The following MAN1B1 variants were observed in gnomAD, a reference collection of about 807,000 sequenced individuals.
MAN1B1 encodes endoplasmic reticulum mannosyl-oligosaccharide 1,2-alpha-mannosidase.
In MAN1B1, 66 loss-of-function variants were observed where a neutral mutation model predicts 75.5. The observed-to-expected ratio is 0.87, with a 90% CI of 0.72 to 1.07. MAN1B1 has a LOEUF of 1.07. Ranked by LOEUF, MAN1B1 falls within the 50% of genes least tolerant of loss-of-function variation. The pLI, the probability that MAN1B1 is intolerant of heterozygous loss-of-function variation, is 0.00. For synonymous variants in MAN1B1, 453 were observed against 382.8 expected (o/e 1.18, Z -2.14); for missense variants, 973 against 912.5 (o/e 1.07, Z -0.85).
chr9:137,107,386 G>A lies in MAN1B1; in HGVS notation c.1703G>A (p.Ser568Asn), dbSNP rs1831151917. The A allele has an allele frequency of 6.2e-7, 1 of 1,613,482 alleles. No homozygotes were observed. The highest frequency in any genetic ancestry group is 1.3e-5 in the African/African-American group (1 of 75,074). ...QMNRQMETGL[S>N]PEIVHFNLYP... is the part of the protein sequence containing the mutation. ...AACCGGCAGATGGAGACGGGGCTGAGTCCCGAGATCGTGCACTTCAACCTT... is the reference window on the plus strand; with the variant it reads ...AACCGGCAGATGGAGACGGGGCTGAATCCCGAGATCGTGCACTTCAACCTT... The change falls in exon 11 of 13, where the codon AGT (serine) becomes AAT (asparagine). Residue 568 changes from serine (S) to asparagine (N), a missense_variant. Physicochemically the swap from Ser to Asn is conservative, Grantham distance 46. Transcript: ENST00000371589.
Position 137,101,102 on chromosome 9 carries a change from G to T in MAN1B1, c.1014G>T (p.Gly338=), listed in dbSNP as rs1456017235. 6.2e-7 allele frequency: 1 copy of T among 1,614,146 alleles called. No homozygotes were observed. Among genetic ancestry groups the T allele is most frequent in the South Asian group, 1.1e-5 (1 of 91,072 alleles). Residue 338 remains glycine, a synonymous_variant, in exon 7 of 13, where the codon GGG becomes GGT. Transcript: ENST00000371589. ...AGAGCACGATCCGCATCCTGGGGGG[G>T]CTCCTGAGTGCCTACCACCTGTCTG... ...LFESTIRILG[G]LLSAYHLSGD...
In MAN1B1 at chr9:137,108,861, C is replaced by T; in HGVS notation, c.*270C>T. The T allele has an allele frequency of 1.6e-6, 1 of 619,598 alleles. No individual in the cohort carries two copies. The allele number at this position is 619,598 out of a possible 1,614,324, so 38.4% of individuals were successfully genotyped here. ...GAATCATGACTCACGATTGCTGAAGCCTGAGCAGGTCTCTGTGGGCCGACC... is the reference window on the plus strand; with the variant it reads ...GAATCATGACTCACGATTGCTGAAGTCTGAGCAGGTCTCTGTGGGCCGACC... On this transcript the variant is annotated 3_prime_UTR_variant, in exon 13 of 13. Coordinates refer to ENST00000371589, the MANE Select transcript of MAN1B1 (RefSeq NM_016219.5).
intron 12 of MAN1B1, 128 bp downstream of exon 12, chr9:137,107,790 G>A (rs778527965): frequency 3.9e-5 from 54 of 1,397,660 alleles, no homozygotes; most frequent in African/African-American, 1.1e-4. Context: ...CGGGCTTGCC[G>A]CAGCCTCGGG....
chr9:137,101,430 G>C, intron 7 of MAN1B1, 54 bp from the exon 8 acceptor site: 1 of 1,545,964 alleles, frequency 6.5e-7, no homozygotes, highest in East Asian at 2.2e-5. Flanking sequence ...AAAGGGTGTA[G>C]ACGAGGCCTC....
At chr9:137,105,898 T>TG (rs1831076437) in intron 8 of MAN1B1, 1 of 679,352 alleles carries the variant, frequency 1.5e-6, no homozygotes, top group East Asian at 2.8e-5. Flanking sequence ...GACCACCCGT[T>TG]GGGAGCAGTG....
chr9:137,108,315 G>A (rs771832937), intron 12 of MAN1B1, 73 bp from the exon 13 acceptor site: 45 of 1,322,810 alleles, frequency 3.4e-5, no homozygotes, highest in Non-Finnish European at 4.9e-5. Context: ...GGGGTGGAGA[G>A]CGCTTCGGTG....
intron 9 of MAN1B1, 172 bp from the exon 10 acceptor site, chr9:137,106,517 G>A: frequency 8.9e-7 from 1 of 1,122,918 alleles, no homozygotes; most frequent in Non-Finnish European, 1.3e-6. Context: ...GCCTCTGGGG[G>A]GGTGAGGGGG....
Position 137,107,546 on chromosome 9 carries a change from A to G in MAN1B1, c.1780A>G (p.Asn594Asp), listed in dbSNP as rs991411101. Residue 594 changes from asparagine to aspartate, a missense_variant, in exon 12 of 13, where the codon AAC (asparagine) becomes GAC (aspartate). By Grantham distance (23) the Asn-to-Asp change is conservative. Transcript: ENST00000371589. The part of the protein sequence containing the change: ...DVEVKPADRH[N>D]LLRPETVESL... ...CCGCCCACAGCCAGCAGACAGGCAC[A>G]ACCTGCTGCGGCCAGAGACCGTGGA... 2 of 1,612,906 alleles carry G rather than the reference A, an allele frequency of 1.2e-6. No individual in the cohort carries two copies. Among genetic ancestry groups the G allele is most frequent in the Non-Finnish European group, 8.5e-7 (1 of 1,179,974 alleles).
In MAN1B1 at chr9:137,087,233, G is replaced by A. The variant is rs940318440; in HGVS notation, c.219+15G>A. On this transcript the variant is annotated intron_variant, in intron 1 of 12. Transcript: ENST00000371589. Reference sequence around the variant, plus strand: ...CGTGCTGGAGGGTGAGGGTCGCGCCGGGCTGACTGGGGCCCGGGGCTGCCG... The same window carrying A: ...CGTGCTGGAGGGTGAGGGTCGCGCCAGGCTGACTGGGGCCCGGGGCTGCCG... The A allele has an allele frequency of 1.3e-6, 2 of 1,558,886 alleles. No individual in the cohort carries two copies. Among genetic ancestry groups the A allele is most frequent in the Non-Finnish European group, 1.7e-6 (2 of 1,152,104 alleles).
intron 4 of MAN1B1, among the ~76,000 whole-genome samples, chr9:137,096,835 G>T (rs1003991267): frequency 6.6e-6 from 1 of 152,218 alleles, no homozygotes; most frequent in South Asian, 2.1e-4. Context: ...GTGGAGCTTC[G>T]GTGCTGGAGG....
At chr9:137,103,844 C>T (rs993512587) in intron 8 of MAN1B1, 5 of 453,548 alleles carry the variant, frequency 1.1e-5, no homozygotes, top group East Asian at 7.0e-5. Flanking sequence ...TGGTGTTACA[C>T]ACATTCACAC....
At chr9:137,106,026 TGCTGGG>T in intron 8 of MAN1B1, 93 bp from the exon 9 acceptor site, 1 of 933,114 alleles carries the variant, frequency 1.1e-6, no homozygotes, top group Non-Finnish European at 1.7e-6. Context: ...AGTCAGTCGG[TGCTGGG>T]GCGAGGGGAG....
intron 7 of MAN1B1, 85 bp from the exon 8 acceptor site, chr9:137,101,399 G>T (rs1242677737): frequency 5.2e-6 from 7 of 1,350,490 alleles, no homozygotes; most frequent in Non-Finnish European, 7.4e-6. Context: ...AGAGCCTTCA[G>T]TGTCTCCACT....
In MAN1B1 at chr9:137,106,180, G is replaced by C; in HGVS notation, c.1310G>C (p.Gly437Ala). Reference protein sequence around the residue: ...HIHGLSGKKDGLVPMFINTHS... With the variant: ...HIHGLSGKKDALVPMFINTHS... Reference sequence around the variant, plus strand: ...CACGGCCTGTCTGGGAAGAAGGATGGGCTGGTGCCCATGTTCATCAATACC... The same window carrying C: ...CACGGCCTGTCTGGGAAGAAGGATGCGCTGGTGCCCATGTTCATCAATACC... The change falls in exon 9 of 13, where the codon GGG (glycine) becomes GCG (alanine). Residue 437 changes from glycine to alanine, a missense_variant. Coordinates refer to ENST00000371589, the MANE Select transcript of MAN1B1 (RefSeq NM_016219.5). The C allele has an allele frequency of 1.2e-6, 2 of 1,612,790 alleles. No individual in the cohort carries two copies. Among genetic ancestry groups the C allele is most frequent in the Non-Finnish European group, 1.7e-6 (2 of 1,179,860 alleles).
At chr9:137,091,096 T>A (rs1830501954) in intron 3 of MAN1B1, among the ~76,000 whole-genome samples, 1 of 152,198 alleles carries the variant, frequency 6.6e-6, no homozygotes, top group African/African-American at 2.4e-5. Context: ...TCCACACTCT[T>A]CGGTGTGAGG....
intron 8 of MAN1B1, chr9:137,104,892 G>T (rs1217028597): frequency 6.7e-6 from 1 of 148,774 alleles, no homozygotes; most frequent in Non-Finnish European, 1.5e-5. Context: ...GTGAGTGTGG[G>T]TGCACACACC....
chr9:137,099,736 C>A lies in MAN1B1; in HGVS notation c.771C>A (p.Phe257Leu). 1 of 1,614,220 alleles carries A rather than the reference C, an allele frequency of 6.2e-7. No homozygotes were observed. Among genetic ancestry groups the A allele is most frequent in the Non-Finnish European group, 8.5e-7 (1 of 1,180,034 alleles). ...GCCAGAAGGGCGTGATTGACGTCTT[C>A]CTGCATGCATGGAAAGGATACCGCA... is the stretch of plus-strand genomic sequence containing the variant. ...NYRQKGVIDV[F>L]LHAWKGYRKF... The change falls in exon 6 of 13, where the codon TTC becomes TTA. Residue 257 changes from phenylalanine to leucine, a missense_variant. Transcript: ENST00000371589.
At chr9:137,095,881 C>T (rs1249961223) in intron 3 of MAN1B1, among the ~76,000 whole-genome samples, 1 of 152,214 alleles carries the variant, frequency 6.6e-6, no homozygotes, top group Non-Finnish European at 1.5e-5. Context: ...GTGCCTGCCT[C>T]ACTTTGCAGA....
intron 5 of MAN1B1, among the ~76,000 whole-genome samples, chr9:137,099,335 A>C (rs1830743114): frequency 6.6e-6 from 1 of 152,240 alleles, no homozygotes; most frequent in African/African-American, 2.4e-5. Context: ...GTGCTGTCCC[A>C]GCGCCCTTGG....
Sources: gnomAD v4.1 joint callset for allele counts (sites outside exome capture counted in the v4.1 genomes callset) on GRCh38, gnomAD v4.1.1 for gene constraint, MANE v1.5 for transcripts, NCBI Gene and HGNC (gene_info 2026-07-23, HGNC 2026-07-21) for gene names.